Variants in GRM1 observed in about 807,000 individuals in gnomAD.
GRM1 encodes the protein glutamate metabotropic receptor 1, also known as metabotropic glutamate receptor 1.
Under a neutral mutation model 90.9 loss-of-function variants are expected in GRM1, and 33 were observed. The ratio of observed to expected loss-of-function variants is 0.36; its 90% CI spans 0.28 to 0.49. The LOEUF (loss-of-function observed/expected upper bound fraction) is 0.49. GRM1 is among the 20% of genes least tolerant of loss of function. The pLI is 0.99. For missense variants in GRM1, 1,190 were observed against 1,534.3 expected (o/e 0.78, Z 3.75); for synonymous variants, 700 against 613.2 (o/e 1.14, Z -2.09).
intron 2 of GRM1, among the ~76,000 whole-genome samples, chr6:146,256,998 C>T (rs969763210): frequency 1.3e-5 from 2 of 152,100 alleles, no homozygotes; most frequent in Non-Finnish European, 2.9e-5. Flanking sequence ...AGTTTTCTGC[C>T]TCTGTGTTTT....
chr6:146,108,313 CCATGTGTCA>C (rs899887832), intron 1 of GRM1, among the ~76,000 whole-genome samples: 45 of 152,248 alleles, frequency 3.0e-4, no homozygotes, highest in Admixed American at 1.8e-3. Context: ...CCCACAATTC[CCATGTGTCA>C]TGGGAGGAAC....
chr6:146,279,253 A>G (rs1418359545), intron 2 of GRM1, among the ~76,000 whole-genome samples: 1 of 151,962 alleles, frequency 6.6e-6, no homozygotes, highest in South Asian at 2.1e-4. Context: ...TCTCTCTTTC[A>G]GTATATCTAG....
intron 3 of GRM1, among the ~76,000 whole-genome samples, chr6:146,330,635 AC>A (rs1370225192): frequency 1.3e-5 from 2 of 152,290 alleles, no homozygotes; most frequent in African/African-American, 4.8e-5. Context: ...TCTAAAAAAT[AC>A]ATCATCAGCG....
chr6:146,199,558 C>CT (rs752597848), intron 2 of GRM1, among the ~76,000 whole-genome samples: 222 of 152,304 alleles, frequency 1.5e-3, no homozygotes, highest in Non-Finnish European at 2.2e-3. Context: ...TATATCATCT[C>CT]TTTCCTTGCT....
In GRM1 at chr6:146,399,046, G is replaced by T. The variant is rs148926588; in HGVS notation, c.2007G>T (p.Ala669=). 821 of 1,613,938 alleles carry T rather than the reference G, an allele frequency of 5.1e-4. 5 individuals carry two copies. The African/African-American group carries it at 9.7e-3, about 19-fold the overall frequency. The change falls in exon 7 of 8, where the codon GCG becomes GCT. Residue 669 remains alanine (A), a synonymous_variant. Coordinates refer to ENST00000282753, the MANE Select transcript of GRM1 (RefSeq NM_001278064.2). The surrounding 1 kb of genome is among the most constrained non-coding windows in gnomAD (Gnocchi z 5.4). Reference sequence around the variant, plus strand: ...GCCTCTTGGTTGGCCTCTCCTCTGCGATGTGCTACTCTGCTTTAGTGACTA... The same window carrying T: ...GCCTCTTGGTTGGCCTCTCCTCTGCTATGTGCTACTCTGCTTTAGTGACTA... ...LQRLLVGLSS[A]MCYSALVTKT...
intron 2 of GRM1, among the ~76,000 whole-genome samples, chr6:146,195,533 C>G (rs1266734906): frequency 1.3e-5 from 2 of 152,154 alleles, no homozygotes; most frequent in African/African-American, 4.8e-5. Flanking sequence ...TCTTCTCCTC[C>G]AACAGTAAGT....
chr6:146,064,516 T>G (rs1236364026), intron 1 of GRM1, among the ~76,000 whole-genome samples: 1 of 152,188 alleles, frequency 6.6e-6, no homozygotes, highest in African/African-American at 2.4e-5. Flanking sequence ...TGTGTCCAAA[T>G]CCATTTGGAT....
chr6:146,179,464 G>A (rs183499080), intron 2 of GRM1, among the ~76,000 whole-genome samples: 6 of 152,296 alleles, frequency 3.9e-5, no homozygotes, highest in African/African-American at 1.4e-4. Context: ...CTGTTGTTTA[G>A]ATTGTAGAGT....
chr6:146,360,726 A>G (rs1775435331), intron 5 of GRM1, among the ~76,000 whole-genome samples: 1 of 152,218 alleles, frequency 6.6e-6, no homozygotes, highest in Non-Finnish European at 1.5e-5. Context: ...TGGAAAATGT[A>G]GTTCACAAGT....
At chr6:146,241,135 AAC>A (rs1780843405) in intron 2 of GRM1, among the ~76,000 whole-genome samples, 1 of 152,146 alleles carries the variant, frequency 6.6e-6, no homozygotes. Context: ...AAATGAGAAG[AAC>A]ACCTGTGCCT....
intron 2 of GRM1, among the ~76,000 whole-genome samples, chr6:146,183,836 C>G (rs1330095573): frequency 6.6e-6 from 1 of 152,180 alleles, no homozygotes; most frequent in African/African-American, 2.4e-5. Flanking sequence ...ACTTCTATCT[C>G]TTGCATATGG....
intron 6 of GRM1, among the ~76,000 whole-genome samples, chr6:146,387,796 G>GT (rs1190832098): frequency 6.6e-6 from 1 of 152,082 alleles, no homozygotes; most frequent in African/African-American, 2.4e-5. Context: ...TCCTCTACAT[G>GT]TTTGGACTTT....
chr6:146,037,724 C>T (rs1262215409), intron 1 of GRM1, among the ~76,000 whole-genome samples: 1 of 152,000 alleles, frequency 6.6e-6, no homozygotes, highest in Non-Finnish European at 1.5e-5. Flanking sequence ...TCATTGATCT[C>T]AGCTCTGTGT....
intron 3 of GRM1, among the ~76,000 whole-genome samples, chr6:146,316,367 A>G (rs1783968025): frequency 1.3e-5 from 2 of 152,222 alleles, no homozygotes; most frequent in South Asian, 4.1e-4. Context: ...CTCCATCTCA[A>G]GGGACAATTA....
At chr6:146,246,299 T>C (rs1017585021) in intron 2 of GRM1, among the ~76,000 whole-genome samples, 14 of 152,164 alleles carry the variant, frequency 9.2e-5, no homozygotes, top group Non-Finnish European at 1.5e-4. Context: ...AGATGAGAGC[T>C]TTGGTGACAG....
At chr6:146,132,436 A>C (rs1293483169) in intron 1 of GRM1, among the ~76,000 whole-genome samples, 3 of 152,238 alleles carry the variant, frequency 2.0e-5, no homozygotes, top group Admixed American at 1.3e-4. Flanking sequence ...AAATGATTTC[A>C]TTATGAATGG....
chr6:146,240,199 A>G (rs976040708), intron 2 of GRM1, among the ~76,000 whole-genome samples: 2 of 152,090 alleles, frequency 1.3e-5, no homozygotes, highest in African/African-American at 4.8e-5. Context: ...CTTCAGGGCC[A>G]TGTAGAACCG....
intron 1 of GRM1, among the ~76,000 whole-genome samples, chr6:146,145,774 T>C (rs565747656): frequency 1.2e-4 from 19 of 152,264 alleles, no homozygotes; most frequent in Admixed American, 9.8e-4. Flanking sequence ...ACTAGGGCAA[T>C]GCCCATTGGA....
At chr6:146,202,011 C>T (rs989146729) in intron 2 of GRM1, among the ~76,000 whole-genome samples, 5 of 152,148 alleles carry the variant, frequency 3.3e-5, no homozygotes, top group Non-Finnish European at 1.5e-5. Context: ...TAATGAAGGA[C>T]CCTGAGTGGC....
Sources: allele counts gnomAD v4.1 joint callset (sites outside exome capture counted in the v4.1 genomes callset), GRCh38; gene constraint gnomAD v4.1.1; non-coding constraint Gnocchi (gnomAD v3.1); transcripts MANE v1.5; gene names NCBI Gene and HGNC (gene_info 2026-07-23, HGNC 2026-07-21).